RGS17: variants seen among roughly 807,000 people sequenced by gnomAD.
RGS17 encodes the protein regulator of G protein signaling 17.
In RGS17, 12 loss-of-function variants were observed where a neutral mutation model predicts 25.5. The observed-to-expected ratio is 0.47, with a 90% confidence interval of 0.30 to 0.76. The LOEUF is 0.76. Among genes scored for constraint, RGS17 ranks in the 30% least tolerant of loss-of-function variants. The pLI is 0.07. For missense variants in RGS17, 196 were observed against 242.2 expected (o/e 0.81, Z 1.27); for synonymous variants, 71 against 76.9 (o/e 0.92, Z 0.40).
intron 1 of RGS17, among the ~76,000 whole-genome samples, chr6:153,103,978 G>A (rs62438272): frequency 0.092 from 13,970 of 152,226 alleles, 845 homozygotes; most frequent in East Asian, 0.18. Context: ...ATTGTAAAAT[G>A]TGTACTGATT....
intron 2 of RGS17, among the ~76,000 whole-genome samples, chr6:153,037,026 G>T (rs894951145): frequency 6.6e-6 from 1 of 152,152 alleles, no homozygotes; most frequent in Non-Finnish European, 1.5e-5. Context: ...AGGTGGAAAA[G>T]ATATTTGATT....
chr6:153,011,287 A>G lies in RGS17; in HGVS notation c.*287T>C. 1 of 290,918 alleles carries G rather than the reference A, an allele frequency of 3.4e-6. No individual in the cohort carries two copies. The highest frequency in any genetic ancestry group is 7.5e-5 in the East Asian group (1 of 13,340). The allele number at this position is 290,918 out of a possible 1,614,324, so 18.0% of individuals were successfully genotyped here. A position where few individuals can be genotyped will look rare whatever the true frequency, so the allele number is the denominator to read the frequency against. On this transcript the variant is annotated 3_prime_UTR_variant, in exon 5 of 5. Transcript: ENST00000206262. ...TACTTTGCACATGCAGTCTCTGGAG[A>G]TACACGAGGAGACTGTTCATAGGAC...
intron 1 of RGS17, among the ~76,000 whole-genome samples, chr6:153,122,953 A>ATTGGAGTATTTAATACTCCAATGTAC (rs1562340189): frequency 9.3e-5 from 14 of 150,838 alleles, no homozygotes; most frequent in Admixed American, 2.6e-4. Flanking sequence ...CATTGGAGTA[A>ATTGGAGTATTTAATACTCCAATGTAC]ATTGGAGTAT....
At chr6:153,073,943 T>TA (rs1776842457) in intron 1 of RGS17, among the ~76,000 whole-genome samples, 1 of 152,152 alleles carries the variant, frequency 6.6e-6, no homozygotes, top group African/African-American at 2.4e-5. Flanking sequence ...TGCTTGATGA[T>TA]AAAATATAAT....
chr6:153,049,288 T>C (rs1776429715), intron 1 of RGS17, among the ~76,000 whole-genome samples: 1 of 152,018 alleles, frequency 6.6e-6, no homozygotes, highest in South Asian at 2.1e-4. Context: ...AAAGGCATAG[T>C]TCAATAGCAA....
chr6:153,014,716 T>G (rs1584117394), intron 4 of RGS17, among the ~76,000 whole-genome samples: 1 of 150,516 alleles, frequency 6.6e-6, no homozygotes, highest in Admixed American at 6.7e-5. Context: ...GAGAATGGCG[T>G]GAACCTGGGA....
chr6:153,057,780 C>T (rs1776580657), intron 1 of RGS17, among the ~76,000 whole-genome samples: 2 of 152,148 alleles, frequency 1.3e-5, no homozygotes, highest in Non-Finnish European at 1.5e-5. Context: ...TGTTGGGACA[C>T]GACAACAGAT....
chr6:153,040,784 C>T (rs917167280), intron 2 of RGS17, among the ~76,000 whole-genome samples: 9 of 151,838 alleles, frequency 5.9e-5, no homozygotes, highest in Admixed American at 2.0e-4. Flanking sequence ...GGGTAAAGGA[C>T]ATTTTCATTT....
intron 3 of RGS17, among the ~76,000 whole-genome samples, chr6:153,026,075 C>T (rs938329577): frequency 1.1e-4 from 16 of 152,096 alleles, no homozygotes; most frequent in African/African-American, 3.6e-4. Context: ...GGGTGCCCTT[C>T]CTCACTCACT....
chr6:153,114,515 G>A (rs1164543923), intron 1 of RGS17, among the ~76,000 whole-genome samples: 1 of 152,166 alleles, frequency 6.6e-6, no homozygotes, highest in Non-Finnish European at 1.5e-5. Context: ...AAGAGGAGCT[G>A]ATATCATTTC....
chr6:153,020,151 T>C (rs1440747689), intron 4 of RGS17, among the ~76,000 whole-genome samples: 73 of 57,542 alleles, frequency 1.3e-3, no homozygotes, highest in African/African-American at 6.1e-3. Context: ...TTTTTTTTTT[T>C]TTTTTTTTTT....
chr6:153,104,578 A>T (rs150402049), intron 1 of RGS17, among the ~76,000 whole-genome samples: 1 of 152,252 alleles, frequency 6.6e-6, no homozygotes, highest in Non-Finnish European at 1.5e-5. Context: ...CGGATTCATT[A>T]ATTTATTCAA....
intron 1 of RGS17, among the ~76,000 whole-genome samples, chr6:153,104,102 G>A (rs1330023495): frequency 6.6e-6 from 1 of 152,202 alleles, no homozygotes; most frequent in African/African-American, 2.4e-5. Flanking sequence ...AAAAAGAGCA[G>A]AACCCAGGTT....
At chr6:153,058,107 G>A (rs1270216864) in intron 1 of RGS17, among the ~76,000 whole-genome samples, 1 of 152,150 alleles carries the variant, frequency 6.6e-6, no homozygotes, top group Non-Finnish European at 1.5e-5. Context: ...CTGCTATAAG[G>A]GCTGAATGAA....
intron 1 of RGS17, among the ~76,000 whole-genome samples, chr6:153,129,505 G>T (rs988607926): frequency 3.3e-5 from 5 of 152,192 alleles, no homozygotes; most frequent in African/African-American, 1.2e-4. Flanking sequence ...GAGGAGGAAA[G>T]CATTATTTTC....
intron 1 of RGS17, among the ~76,000 whole-genome samples, chr6:153,055,214 G>A (rs1289721596): frequency 6.6e-6 from 1 of 152,280 alleles, no homozygotes; most frequent in Non-Finnish European, 1.5e-5. Context: ...CTGCAAACTG[G>A]TGCTGAGGGG....
intron 1 of RGS17, among the ~76,000 whole-genome samples, chr6:153,078,075 T>C (rs537158858): frequency 1.3e-5 from 2 of 152,254 alleles, no homozygotes; most frequent in South Asian, 4.1e-4. Context: ...CGATTCACAA[T>C]GTGGGCCAGG....
At chr6:153,119,896 G>T (rs1169164254) in intron 1 of RGS17, among the ~76,000 whole-genome samples, 2 of 152,172 alleles carry the variant, frequency 1.3e-5, no homozygotes, top group Non-Finnish European at 2.9e-5. Context: ...GGACAATTTA[G>T]AATGTATAAT....
intron 4 of RGS17, among the ~76,000 whole-genome samples, chr6:153,020,059 C>T (rs1479495418): frequency 1.6e-5 from 2 of 127,418 alleles, no homozygotes; most frequent in Admixed American, 9.0e-5. Context: ...GTACACTATA[C>T]CAAGAACAGA....
Sources: gnomAD v4.1 joint callset for allele counts (sites outside exome capture counted in the v4.1 genomes callset) on GRCh38, gnomAD v4.1.1 for gene constraint, MANE v1.5 for transcripts, NCBI Gene and HGNC (gene_info 2026-07-23, HGNC 2026-07-21) for gene names.